The following EYS variants were observed in gnomAD, a reference collection of about 807,000 sequenced individuals.
EYS encodes EGF-like photoreceptor maintenance factor.
Under a neutral mutation model 282.1 loss-of-function variants are expected in EYS, and 250 were observed. The observed-to-expected ratio is 0.89, with a 90% confidence interval of 0.80 to 0.98. The LOEUF (loss-of-function observed/expected upper bound fraction) is 0.98. EYS is among the 50% of genes least tolerant of loss of function. The probability of loss-of-function intolerance (pLI) is 0.00; values close to 1 mark genes in which losing one functional copy is unlikely to be tolerated. For missense variants in EYS, 4,016 were observed against 3,709.0 expected (o/e 1.08, Z -2.15); for synonymous variants, 1,355 against 1,282.9 (o/e 1.06, Z -1.20).
intron 32 of EYS, among the ~76,000 whole-genome samples, chr6:64,077,939 C>G (rs1771828385): frequency 1.3e-5 from 2 of 152,018 alleles, no homozygotes; most frequent in Admixed American, 6.6e-5. Flanking sequence ...TCAGAGCTGT[C>G]TCTCTCCCAC....
chr6:63,753,316 G>A (rs1425593412), intron 41 of EYS, among the ~76,000 whole-genome samples: 1 of 151,816 alleles, frequency 6.6e-6, no homozygotes, highest in Admixed American at 6.6e-5. Flanking sequence ...GGTTTTGGCA[G>A]ATTCCATTGA....
intron 2 of EYS, among the ~76,000 whole-genome samples, chr6:65,605,642 T>A (rs556152377): frequency 1.3e-4 from 20 of 151,988 alleles, no homozygotes; most frequent in African/African-American, 4.3e-4. Context: ...ACATACATAT[T>A]TAGCAAAATT....
At chr6:64,583,164 C>T (rs1000907947) in intron 26 of EYS, among the ~76,000 whole-genome samples, 1 of 152,098 alleles carries the variant, frequency 6.6e-6, no homozygotes, top group Non-Finnish European at 1.5e-5. Flanking sequence ...GAAGTGTCTA[C>T]ATCTTACTTG....
chr6:64,101,196 T>C (rs1772814168), intron 31 of EYS, among the ~76,000 whole-genome samples: 1 of 145,096 alleles, frequency 6.9e-6, no homozygotes, highest in Admixed American at 7.0e-5. Context: ...TTGTCCAACA[T>C]TTTAATAGAT....
intron 31 of EYS, among the ~76,000 whole-genome samples, chr6:64,107,725 T>G (rs1773079776): frequency 6.6e-6 from 1 of 152,042 alleles, no homozygotes; most frequent in Non-Finnish European, 1.5e-5. Context: ...TTCCTCATAT[T>G]TTTTTGTTGA....
rs144002837 is a variant in EYS, at chr6:65,475,591, C to T, written c.862+15003G>A. On this transcript the variant is annotated intron_variant, in intron 5 of 42. Coordinates refer to ENST00000503581, the MANE Select transcript of EYS (RefSeq NM_001142800.2). Reference sequence around the variant, plus strand: ...AAAAATTCTGAAAAGTATAAGAAGGCACCATTTTCAAATTAACATCTGGGA... The same window carrying T: ...AAAAATTCTGAAAAGTATAAGAAGGTACCATTTTCAAATTAACATCTGGGA... Among the ~76,000 whole-genome samples, 7 of 152,096 alleles carry T rather than the reference C, an allele frequency of 4.6e-5. No homozygotes were observed. The East Asian group carries it at 1.4e-3, about 29-fold the overall frequency.
At chr6:65,240,467 T>G (rs1767031080) in intron 12 of EYS, among the ~76,000 whole-genome samples, 1 of 152,148 alleles carries the variant, frequency 6.6e-6, no homozygotes, top group South Asian at 2.1e-4. Context: ...TCCCTGTCTC[T>G]ATTGTTCCCA....
At chr6:65,336,973 T>TAA (rs1770012225) in intron 10 of EYS, among the ~76,000 whole-genome samples, 1 of 151,452 alleles carries the variant, frequency 6.6e-6, no homozygotes, top group Admixed American at 6.6e-5. Context: ...TTACTATCTT[T>TAA]AAAATCATTT....
intron 14 of EYS, among the ~76,000 whole-genome samples, chr6:64,947,089 A>T (rs749146029): frequency 7.9e-5 from 12 of 151,896 alleles, no homozygotes; most frequent in Non-Finnish European, 1.5e-4. Flanking sequence ...TACAGAACGC[A>T]TCTTAGTTTA....
chr6:64,266,244 G>A (rs1484110645), intron 30 of EYS, among the ~76,000 whole-genome samples: 1 of 151,980 alleles, frequency 6.6e-6, no homozygotes, highest in East Asian at 1.9e-4. Flanking sequence ...ATTAGTGATT[G>A]GGTGTTTTAA....
rs146116946 is a variant in EYS at position 64,448,213 on chromosome 6, C to T, written c.5645-8861G>A. Among the ~76,000 whole-genome samples, 101 of 152,314 alleles carry T rather than the reference C, an allele frequency of 6.6e-4. 1 individual carries two copies. In the East Asian group the frequency reaches 0.014, roughly 21 times the overall value. On this transcript the variant is annotated intron_variant, in intron 26 of 42. Coordinates refer to ENST00000503581, the MANE Select transcript of EYS (RefSeq NM_001142800.2). ...AACGGCACACCAGGAGATTATATCC[C>T]GCAGGTGGCTCTGAAGGTCCTATGC...
intron 22 of EYS, among the ~76,000 whole-genome samples, chr6:64,715,607 G>C (rs1771362558): frequency 6.6e-6 from 1 of 152,126 alleles, no homozygotes; most frequent in Non-Finnish European, 1.5e-5. Context: ...TCTGTGGCTG[G>C]GAAGTAATGC....
chr6:64,306,693 T>G (rs947747808), intron 30 of EYS, among the ~76,000 whole-genome samples: 1 of 152,188 alleles, frequency 6.6e-6, no homozygotes, highest in South Asian at 2.1e-4. Flanking sequence ...CTAACTCTGA[T>G]AGAAGATGTT....
chr6:63,984,058 GAAT>G (rs1767233274), intron 35 of EYS, among the ~76,000 whole-genome samples: 1 of 151,498 alleles, frequency 6.6e-6, no homozygotes, highest in African/African-American at 2.4e-5. Context: ...CATCACCAAT[GAAT>G]AATAGCCTCT....
intron 28 of EYS, among the ~76,000 whole-genome samples, chr6:64,430,641 C>A (rs949813545): frequency 4.6e-5 from 7 of 152,102 alleles, no homozygotes; most frequent in Admixed American, 2.0e-4. Context: ...AGAAATAATT[C>A]TCATCTTGTT....
intron 41 of EYS, among the ~76,000 whole-genome samples, chr6:63,759,878 G>T (rs1007848220): frequency 8.5e-5 from 13 of 152,120 alleles, no homozygotes; most frequent in Non-Finnish European, 7.4e-5. Context: ...GTGTTGGAAG[G>T]GCTTGAAGAA....
chr6:64,062,879 A>T (rs985354890), intron 33 of EYS, among the ~76,000 whole-genome samples: 1 of 152,002 alleles, frequency 6.6e-6, no homozygotes, highest in Non-Finnish European at 1.5e-5. Flanking sequence ...TAAAACTTCA[A>T]AGAGTTGTAT....
chr6:64,686,058 G>GA (rs1400130561), intron 22 of EYS, among the ~76,000 whole-genome samples: 4 of 150,454 alleles, frequency 2.7e-5, no homozygotes, highest in African/African-American at 9.8e-5. Context: ...AGAGCCAAAT[G>GA]AAAAAAACAA....
intron 12 of EYS, among the ~76,000 whole-genome samples, chr6:65,167,196 C>T (rs779423839): frequency 2.0e-5 from 3 of 151,114 alleles, no homozygotes; most frequent in Non-Finnish European, 4.4e-5. Flanking sequence ...AGAAAAATGA[C>T]AACATATACC....
Sources: allele counts gnomAD v4.1 joint callset (sites outside exome capture counted in the v4.1 genomes callset), GRCh38; gene constraint gnomAD v4.1.1; transcripts MANE v1.5; gene names NCBI Gene and HGNC (gene_info 2026-07-23, HGNC 2026-07-21).